Variants in GREM2 observed in about 807,000 individuals in gnomAD.
GREM2 encodes the protein gremlin 2, DAN family BMP antagonist, also known as gremlin-2.
A neutral mutation model predicts 14.2 loss-of-function variants in GREM2; 11 were observed. The observed-to-expected ratio is 0.78, with a 90% CI of 0.49 to 1.28. GREM2 has a LOEUF of 1.28. Among genes scored for constraint, GREM2 ranks in the 50% most tolerant of loss-of-function variants. The pLI, the probability that GREM2 is intolerant of heterozygous loss-of-function variation, is 0.00. For missense variants in GREM2, 210 were observed against 218.5 expected (o/e 0.96, Z 0.24); for synonymous variants, 98 against 97.6 (o/e 1.00, Z -0.02).
chr1:240,506,371 T>C (rs995622602), intron 1 of GREM2, among the ~76,000 whole-genome samples: 3 of 152,210 alleles, frequency 2.0e-5, no homozygotes, highest in Non-Finnish European at 4.4e-5. Flanking sequence ...GAAAGTCTCA[T>C]ATTAAGTAAT....
At chr1:240,548,136 G>A (rs913179576) in intron 1 of GREM2, among the ~76,000 whole-genome samples, 15 of 151,436 alleles carry the variant, frequency 9.9e-5, no homozygotes, top group Non-Finnish European at 1.8e-4. Flanking sequence ...TTAGCCAGGC[G>A]TGGTGGTATG....
chr1:240,510,335 A>C (rs966477631), intron 1 of GREM2, among the ~76,000 whole-genome samples: 2 of 124,462 alleles, frequency 1.6e-5, no homozygotes, highest in Non-Finnish European at 3.2e-5. Context: ...GCGCCACTGC[A>C]CTCCAGCCTG....
At chr1:240,601,328 A>G (rs894234566) in intron 1 of GREM2, among the ~76,000 whole-genome samples, 15 of 152,120 alleles carry the variant, frequency 9.9e-5, no homozygotes, top group African/African-American at 3.6e-4. Context: ...CATGCTCCAA[A>G]CCAATGGTAC....
chr1:240,522,939 T>C (rs1187109546), intron 1 of GREM2, among the ~76,000 whole-genome samples: 1 of 152,166 alleles, frequency 6.6e-6, no homozygotes, highest in African/African-American at 2.4e-5. Flanking sequence ...GATTCAACAA[T>C]GACTTTAACC....
At chr1:240,567,066 C>G (rs4659984) in intron 1 of GREM2, among the ~76,000 whole-genome samples, 61,680 of 151,878 alleles carry the variant, frequency 0.41, 12,559 homozygotes, top group East Asian at 0.48. Flanking sequence ...ATTAAAAATA[C>G]GCTGGATAGG....
At chr1:240,605,765 G>T (rs1680012874) in intron 1 of GREM2, among the ~76,000 whole-genome samples, 1 of 151,806 alleles carries the variant, frequency 6.6e-6, no homozygotes, top group Non-Finnish European at 1.5e-5. Context: ...TTATGAACAG[G>T]CCATCCCAGG....
chr1:240,606,563 A>C (rs533931123), intron 1 of GREM2, among the ~76,000 whole-genome samples: 2 of 152,156 alleles, frequency 1.3e-5, no homozygotes, highest in South Asian at 4.1e-4. Flanking sequence ...CTTCACTATT[A>C]TGCCCTATAA....
chr1:240,610,371 C>A (rs1680109833), intron 1 of GREM2, among the ~76,000 whole-genome samples: 1 of 152,140 alleles, frequency 6.6e-6, no homozygotes, highest in South Asian at 2.1e-4. Context: ...TACTTTGACA[C>A]GATTTCAAAA....
At chr1:240,528,978 C>T (rs928901541) in intron 1 of GREM2, among the ~76,000 whole-genome samples, 1 of 152,078 alleles carries the variant, frequency 6.6e-6, no homozygotes, top group Non-Finnish European at 1.5e-5. Context: ...TGTTCAGCAG[C>T]CAGAGTCGCC....
intron 1 of GREM2, among the ~76,000 whole-genome samples, chr1:240,519,577 A>G (rs776811585): frequency 2.0e-5 from 3 of 152,142 alleles, no homozygotes; most frequent in Non-Finnish European, 4.4e-5. Context: ...TAAATCTGAA[A>G]GCATATTTGT....
At chr1:240,608,237 A>C (rs1256773769) in intron 1 of GREM2, among the ~76,000 whole-genome samples, 1 of 152,272 alleles carries the variant, frequency 6.6e-6, no homozygotes. Context: ...TATGCATTCA[A>C]CAAATGTTAG....
At chr1:240,574,805 A>C (rs1299741186) in intron 1 of GREM2, among the ~76,000 whole-genome samples, 1 of 152,182 alleles carries the variant, frequency 6.6e-6, no homozygotes, top group Non-Finnish European at 1.5e-5. Flanking sequence ...ACAAGTCCAA[A>C]ATTAAAATAA....
rs1677312006 is a variant in GREM2, at chr1:240,493,323, C to T, written c.153G>A (p.Glu51=). ...GGGCCTCCTGGCTGGAGGCCAGCAC[C>T]TCCTTGATCTGGTGCTGCCATCTCT... ...NSERWQHQIK[E]VLASSQEALV... is the part of the protein sequence containing the mutation. Residue 51 remains glutamate (E), a synonymous_variant, in exon 2 of 2, where the codon GAG becomes GAA. Coordinates refer to ENST00000318160, the MANE Select transcript of GREM2 (RefSeq NM_022469.4). 2.5e-6 allele frequency: 4 copies of T among 1,614,086 alleles called. No homozygotes were observed. The highest frequency in any genetic ancestry group is 3.4e-6 in the Non-Finnish European group (4 of 1,180,022).
intron 1 of GREM2, among the ~76,000 whole-genome samples, chr1:240,554,631 C>T (rs992813467): frequency 5.3e-5 from 8 of 152,088 alleles, no homozygotes; most frequent in African/African-American, 1.7e-4. Flanking sequence ...ATTATTAAAT[C>T]GTTATTTTAA....
chr1:240,601,130 A>T (rs534265452), intron 1 of GREM2, among the ~76,000 whole-genome samples: 1 of 152,308 alleles, frequency 6.6e-6, no homozygotes, highest in East Asian at 1.9e-4. Context: ...CAATTCACTA[A>T]TATCAAAAGC....
intron 1 of GREM2, among the ~76,000 whole-genome samples, chr1:240,509,387 A>G (rs1395519212): frequency 3.3e-5 from 3 of 91,956 alleles, no homozygotes; most frequent in African/African-American, 4.3e-5. Flanking sequence ...TTTTTTTTTG[A>G]GACAGAGTTT....
chr1:240,546,556 T>G (rs934809253), intron 1 of GREM2, among the ~76,000 whole-genome samples: 3 of 152,206 alleles, frequency 2.0e-5, no homozygotes, highest in Non-Finnish European at 4.4e-5. Flanking sequence ...CATAGAGTTT[T>G]GCACATAACA....
Position 240,493,300 on chromosome 1 carries a change from G to T in GREM2, c.176C>A (p.Ala59Asp). Residue 59 changes from alanine (A) to aspartate (D), a missense_variant, in exon 2 of 2, where the codon GCC becomes GAC. By Grantham distance (126) the Ala-to-Asp change is moderately radical (BLOSUM62 -2). Coordinates refer to ENST00000318160, the MANE Select transcript of GREM2 (RefSeq NM_022469.4). The part of the protein sequence containing the change: ...IKEVLASSQE[A>D]LVVTERKYLK... Reference sequence around the variant, plus strand: ...GTACTTGCGCTCGGTGACCACCAGGGCCTCCTGGCTGGAGGCCAGCACCTC... The same window carrying T: ...GTACTTGCGCTCGGTGACCACCAGGTCCTCCTGGCTGGAGGCCAGCACCTC... 1 of 1,614,034 alleles carries T rather than the reference G, an allele frequency of 6.2e-7. No individual in the cohort carries two copies. The highest frequency in any genetic ancestry group is 8.5e-7 in the Non-Finnish European group (1 of 1,180,008).
chr1:240,584,253 G>A (rs1679546281), intron 1 of GREM2, among the ~76,000 whole-genome samples: 1 of 152,056 alleles, frequency 6.6e-6, no homozygotes, highest in African/African-American at 2.4e-5. Context: ...CCAGCCCTTT[G>A]GGAGGCTGAG....
Sources: gnomAD v4.1 joint callset for allele counts (sites outside exome capture counted in the v4.1 genomes callset) on GRCh38, gnomAD v4.1.1 for gene constraint, MANE v1.5 for transcripts, NCBI Gene and HGNC (gene_info 2026-07-23, HGNC 2026-07-21) for gene names.